Variants in ANKH observed in about 807,000 individuals in gnomAD.
ANKH encodes the protein ANKH inorganic pyrophosphate transport regulator.
Under a neutral mutation model 49.0 loss-of-function variants are expected in ANKH, and 15 were observed. That is an observed-to-expected ratio of 0.31 (90% CI 0.20 to 0.47). ANKH has a LOEUF of 0.47. Among genes scored for constraint, ANKH ranks in the 20% least tolerant of loss-of-function variants. The pLI is 1.00. For synonymous variants in ANKH, 273 were observed against 260.0 expected (o/e 1.05, Z -0.48); for missense variants, 429 against 652.0 (o/e 0.66, Z 3.72).
chr5:14,823,012 C>T (rs1041791714), intron 1 of ANKH, among the ~76,000 whole-genome samples: 12 of 149,560 alleles, frequency 8.0e-5, no homozygotes, highest in African/African-American at 1.5e-4. Context: ...TCAGCCTGGG[C>T]GACAGAGCCA....
At chr5:14,765,540 G>T (rs1739233431) in intron 2 of ANKH, among the ~76,000 whole-genome samples, 1 of 152,074 alleles carries the variant, frequency 6.6e-6, no homozygotes, top group Non-Finnish European at 1.5e-5. Context: ...GCCTTGTCTG[G>T]GGAAATCCAT....
rs192254478 is a variant in ANKH at position 14,822,140 on chromosome 5, G to A, written c.96+49212C>T. ...CAACCTGGATAACATGTAGCTAGGA[G>A]CATTTGAAAAGTGCTAGTCTGAACT... On this transcript the variant is annotated intron_variant, in intron 1 of 11. Transcript: ENST00000284268. 5.3e-4 allele frequency among the ~76,000 whole-genome samples: 80 copies of A among 152,304 alleles called. 1 individual carries two copies. The highest frequency in any genetic ancestry group is 5.2e-3 in the Admixed American group (79 of 15,308).
chr5:14,719,817 A>G (rs183821520), intron 8 of ANKH, among the ~76,000 whole-genome samples: 88 of 152,302 alleles, frequency 5.8e-4, no homozygotes, highest in Non-Finnish European at 7.4e-5. Flanking sequence ...TGTGAGTTAC[A>G]ATCCTTACAG....
At chr5:14,841,971 T>C (rs1442533417) in intron 1 of ANKH, among the ~76,000 whole-genome samples, 1 of 152,168 alleles carries the variant, frequency 6.6e-6, no homozygotes, top group Non-Finnish European at 1.5e-5. Context: ...TCCAAAGTTC[T>C]AGGGAGTTAG....
intron 2 of ANKH, among the ~76,000 whole-genome samples, chr5:14,767,475 A>G (rs1218565475): frequency 2.0e-5 from 3 of 152,240 alleles, no homozygotes; most frequent in African/African-American, 2.4e-5. Context: ...GAGATACAGA[A>G]AACCATTTTG....
chr5:14,793,049 A>AT lies in ANKH; in HGVS notation c.97-23859_97-23858insA, dbSNP rs1740244459. 3.3e-4 allele frequency among the ~76,000 whole-genome samples: 12 copies of AT among 36,888 alleles called. No homozygotes were observed. In the East Asian group the frequency reaches 0.015, roughly 47 times the overall value. 24.2% of individuals were successfully genotyped at this position (36,888 alleles called of 152,430 possible). ...ATATATATATAAAAATATATATATA[A>AT]ATATATATAAAATATATATAAATAT... On this transcript the variant is annotated intron_variant, in intron 1 of 11. Transcript: ENST00000284268.
At chr5:14,858,213 A>G (rs970435128) in intron 1 of ANKH, among the ~76,000 whole-genome samples, 1 of 152,232 alleles carries the variant, frequency 6.6e-6, no homozygotes, top group South Asian at 2.1e-4. Context: ...CCTGTCACCT[A>G]AGCAGTGTAC....
At chr5:14,790,358 T>C (rs751399866) in intron 1 of ANKH, among the ~76,000 whole-genome samples, 12 of 152,112 alleles carry the variant, frequency 7.9e-5, no homozygotes, top group Non-Finnish European at 1.6e-4. Context: ...AAATGAAGAA[T>C]TAAAAGAGAA....
At chr5:14,754,935 G>A (rs1017914893) in intron 4 of ANKH, among the ~76,000 whole-genome samples, 3 of 151,986 alleles carry the variant, frequency 2.0e-5, no homozygotes. Flanking sequence ...AATTAGCCAG[G>A]CATGGTGGCA....
intron 1 of ANKH, among the ~76,000 whole-genome samples, chr5:14,864,072 G>A (rs185417523): frequency 3.9e-5 from 6 of 152,236 alleles, no homozygotes; most frequent in African/African-American, 1.4e-4. Flanking sequence ...AAATTAGGCA[G>A]GCATGGTTCC....
At chr5:14,838,081 G>A (rs1474141592) in intron 1 of ANKH, among the ~76,000 whole-genome samples, 1 of 152,176 alleles carries the variant, frequency 6.6e-6, no homozygotes, top group Non-Finnish European at 1.5e-5. Context: ...CTTGGACACA[G>A]GGTGGGAAAC....
chr5:14,705,578 G>A lies in ANKH; in HGVS notation c.*5619C>T, dbSNP rs140985943. 2.1e-4 allele frequency: 32 copies of A among 152,380 alleles called. No homozygotes were observed. The highest frequency in any genetic ancestry group is 6.7e-4 in the African/African-American group (28 of 41,566). 9.4% of individuals were successfully genotyped at this position (152,380 alleles called of 1,614,324 possible). A position where few individuals can be genotyped will look rare whatever the true frequency, so the allele number is the denominator to read the frequency against. Reference sequence around the variant, plus strand: ...GTGTGTGGCTCTTGTCCACTTTCCCGAAGCCCTTTGATTAACTCCTTGGCC... The same window carrying A: ...GTGTGTGGCTCTTGTCCACTTTCCCAAAGCCCTTTGATTAACTCCTTGGCC... On this transcript the variant is annotated 3_prime_UTR_variant, in exon 12 of 12. Coordinates refer to ENST00000284268, the MANE Select transcript of ANKH (RefSeq NM_054027.6).
intron 1 of ANKH, among the ~76,000 whole-genome samples, chr5:14,847,880 C>T (rs1330241178): frequency 3.9e-5 from 6 of 152,194 alleles, no homozygotes; most frequent in East Asian, 1.9e-4. Flanking sequence ...CAGTGGCTCA[C>T]GCCTGTAATC....
Position 14,711,316 on chromosome 5 carries a change from C to T in ANKH, c.1366-6G>A, listed in dbSNP as rs770099442. 1.2e-6 allele frequency: 2 copies of T among 1,611,310 alleles called. No homozygotes were observed. The highest frequency in any genetic ancestry group is 1.1e-5 in the South Asian group (1 of 91,024). ...TCATTCTCCATCTTCTTTTTCTAGACCAAAGAAGACTCATCAGTGTGGGGC... is the reference window on the plus strand; with the variant it reads ...TCATTCTCCATCTTCTTTTTCTAGATCAAAGAAGACTCATCAGTGTGGGGC... On this transcript the variant is annotated splice_region_variant and splice_polypyrimidine_tract_variant and intron_variant, in intron 11 of 11. Coordinates refer to ENST00000284268, the MANE Select transcript of ANKH (RefSeq NM_054027.6).
intron 3 of ANKH, among the ~76,000 whole-genome samples, chr5:14,758,021 C>T (rs542082513): frequency 9.2e-5 from 14 of 152,328 alleles, no homozygotes; most frequent in Admixed American, 3.9e-4. Flanking sequence ...GTGGAAGCAA[C>T]GCAAGTGTCC....
At chr5:14,722,381 A>C (rs1189086155) in intron 8 of ANKH, among the ~76,000 whole-genome samples, 3 of 152,188 alleles carry the variant, frequency 2.0e-5, no homozygotes, top group African/African-American at 7.2e-5. Flanking sequence ...TAGTCCACCC[A>C]GTGCCCAGAT....
At chr5:14,817,348 T>C (rs1047456775) in intron 1 of ANKH, among the ~76,000 whole-genome samples, 1 of 151,682 alleles carries the variant, frequency 6.6e-6, no homozygotes, top group Non-Finnish European at 1.5e-5. Flanking sequence ...TGAGTGGAAA[T>C]GAGTGAAATG....
chr5:14,790,356 A>G (rs987070849), intron 1 of ANKH, among the ~76,000 whole-genome samples: 8 of 152,250 alleles, frequency 5.3e-5, no homozygotes, highest in Non-Finnish European at 1.0e-4. Context: ...AAAAATGAAG[A>G]ATTAAAAGAG....
At chr5:14,749,468 A>C (rs926062729) in intron 5 of ANKH, among the ~76,000 whole-genome samples, 162 bp from the exon 6 acceptor site, 1 of 152,240 alleles carries the variant, frequency 6.6e-6, no homozygotes, top group African/African-American at 2.4e-5. Context: ...AAGTTGAATT[A>C]AAATAAAATG....
Sources: allele counts gnomAD v4.1 joint callset (sites outside exome capture counted in the v4.1 genomes callset), GRCh38; gene constraint gnomAD v4.1.1; transcripts MANE v1.5; gene names NCBI Gene and HGNC (gene_info 2026-07-23, HGNC 2026-07-21).